GRK5: variants seen among roughly 807,000 people sequenced by gnomAD.
GRK5 encodes G protein-coupled receptor kinase 5.
In GRK5, 40 loss-of-function variants were observed where a neutral mutation model predicts 78.4. That is an observed-to-expected ratio of 0.51 (90% CI 0.40 to 0.66). The LOEUF (loss-of-function observed/expected upper bound fraction) is 0.66, where lower values mean the gene tolerates loss of function less well. GRK5 is among the 30% of genes least tolerant of loss of function. GRK5 has a pLI of 0.00. For missense variants in GRK5, 598 were observed against 759.9 expected, an observed-to-expected ratio of 0.79 and a Z score of 2.50; for synonymous variants, 289 against 296.8, an observed-to-expected ratio of 0.97 and a Z score of 0.27.
At chr10:119,269,211 G>A (rs75839391) in intron 1 of GRK5, among the ~76,000 whole-genome samples, 3,010 of 152,252 alleles carry the variant, frequency 0.02, 56 homozygotes, top group Admixed American at 0.052. Context: ...GACCTGACGC[G>A]TTCCCCCTGC....
At chr10:119,398,897 C>T (rs1201224313) in intron 4 of GRK5, among the ~76,000 whole-genome samples, 2 of 152,246 alleles carry the variant, frequency 1.3e-5, no homozygotes, top group African/African-American at 2.4e-5. Flanking sequence ...GGAGTGCTCC[C>T]TTTGCCTGAC....
chr10:119,453,418 T>A (rs949888789), intron 15 of GRK5, 142 bp downstream of exon 15: 2 of 938,896 alleles, frequency 2.1e-6, no homozygotes, highest in African/African-American at 3.3e-5. Context: ...GGCAACTGAT[T>A]ATGTCCAAGG....
intron 4 of GRK5, among the ~76,000 whole-genome samples, chr10:119,397,123 GCA>G (rs1377244014): frequency 6.6e-6 from 1 of 152,240 alleles, no homozygotes; most frequent in Non-Finnish European, 1.5e-5. Flanking sequence ...GAAGGGCTTA[GCA>G]GGGCAGTTCT....
At chr10:119,441,897 T>G (rs1195905969) in intron 10 of GRK5, 102 bp from the exon 11 acceptor site, 464 of 854,960 alleles carry the variant, frequency 5.4e-4, no homozygotes, top group East Asian at 8.7e-4. Flanking sequence ...CTTGGACAGA[T>G]GAGAATGCCG....
At position 119,336,246 on chromosome 10, in the gene GRK5, C is replaced by T. The variant is rs2133777380; in HGVS notation, c.148+9635C>T. The T allele has an allele frequency of 6.6e-6, 1 of 152,432 alleles. No individual in the cohort carries two copies. Among genetic ancestry groups the T allele is most frequent in the African/African-American group, 2.4e-5 (1 of 41,566 alleles). The allele number at this position is 152,432 out of a possible 1,614,324, so 9.4% of individuals were successfully genotyped here. A position where few individuals can be genotyped will look rare whatever the true frequency, so the allele number is the denominator to read the frequency against. On this transcript the variant is annotated intron_variant, in intron 2 of 15. Coordinates refer to ENST00000392870, the MANE Select transcript of GRK5 (RefSeq NM_005308.3). The surrounding 1 kb of genome is among the most constrained non-coding windows in gnomAD (Gnocchi z 4.5). ...CCTGATTCCTGCAGTCCTCAGCCTT[C>T]CTTCCTCCCCACGGCTCCACAGTTT...
At chr10:119,425,258 CACACACACAT>C (rs977984014) in intron 6 of GRK5, among the ~76,000 whole-genome samples, 173 bp downstream of exon 6, 2 of 121,174 alleles carry the variant, frequency 1.7e-5, no homozygotes, top group South Asian at 3.0e-4. Flanking sequence ...CTTATTCAAG[CACACACACAT>C]ACACACACAC....
At chr10:119,245,743 C>A (rs540817507) in intron 1 of GRK5, among the ~76,000 whole-genome samples, 1 of 152,028 alleles carries the variant, frequency 6.6e-6, no homozygotes, top group African/African-American at 2.4e-5. Context: ...TAAGGCCGGG[C>A]GCGGTGGCTC....
intron 4 of GRK5, among the ~76,000 whole-genome samples, chr10:119,399,753 A>G (rs1310052921): frequency 6.6e-6 from 1 of 151,946 alleles, no homozygotes; most frequent in Admixed American, 6.6e-5. Flanking sequence ...TTTTTTTTCA[A>G]TTTTCCATTC....
chr10:119,412,175 T>C lies in GRK5; in HGVS notation c.340-10991T>C, dbSNP rs1342948574. Among the ~76,000 whole-genome samples, 2 of 152,134 alleles carry C rather than the reference T, an allele frequency of 1.3e-5. No homozygotes were observed. The highest frequency in any genetic ancestry group is 4.8e-5 in the African/African-American group (2 of 41,434). The stretch of plus-strand genomic sequence containing the variant: ...CTCAGATCCGCTTCTGATTGGAGGC[T>C]GTGCCCACCTTCATGGGAAACGGTG... On this transcript the variant is annotated intron_variant, in intron 4 of 15. Coordinates refer to ENST00000392870, the MANE Select transcript of GRK5 (RefSeq NM_005308.3). The surrounding 1 kb of genome is among the most constrained non-coding windows in gnomAD (Gnocchi z 4.3).
rs148870024 is a variant in GRK5, at chr10:119,298,856, C to T, written c.53-27660C>T. On this transcript the variant is annotated intron_variant, in intron 1 of 15. Transcript: ENST00000392870. ...TTCCATTTACCCCCCAGCCACATCC[C>T]CCACTCCTGGCCAACTTCAGCCTTT... 1.3e-4 allele frequency among the ~76,000 whole-genome samples: 20 copies of T among 152,314 alleles called. No individual in the cohort carries two copies. The East Asian group carries it at 3.5e-3, about 26-fold the overall frequency.
intron 12 of GRK5, among the ~76,000 whole-genome samples, chr10:119,444,036 G>T (rs1032774773): frequency 6.6e-6 from 1 of 152,062 alleles, no homozygotes; most frequent in Non-Finnish European, 1.5e-5. Context: ...CCAGCCTGTG[G>T]GGGGGTCCAC....
intron 6 of GRK5, among the ~76,000 whole-genome samples, chr10:119,427,338 A>ACAG (rs1852708113): frequency 6.4e-5 from 2 of 31,278 alleles, no homozygotes; most frequent in African/African-American, 1.3e-4. Context: ...GCCTTCATCA[A>ACAG]CATCACCACC....
intron 1 of GRK5, 50 bp from the exon 2 acceptor site, chr10:119,326,466 G>T (rs372390813): frequency 6.7e-7 from 1 of 1,488,040 alleles, no homozygotes. Flanking sequence ...CTGCGGGGAC[G>T]CCGCAGGCTC....
In GRK5 at chr10:119,359,462, C is replaced by T. The variant is rs541132080; in HGVS notation, c.149-21353C>T. 7.9e-5 allele frequency among the ~76,000 whole-genome samples: 12 copies of T among 152,242 alleles called. No individual in the cohort carries two copies. In the East Asian group the frequency reaches 2.1e-3, roughly 27 times the overall value. On this transcript the variant is annotated intron_variant, in intron 2 of 15. Coordinates refer to ENST00000392870, the MANE Select transcript of GRK5 (RefSeq NM_005308.3). ...AAGCAGGTTGTGTTTCCAGGTCATTCGTGTGGAAGGGAATGGGATCCCAGG... is the reference window on the plus strand; with the variant it reads ...AAGCAGGTTGTGTTTCCAGGTCATTTGTGTGGAAGGGAATGGGATCCCAGG...
In GRK5 at chr10:119,291,615, T is replaced by TCC. The variant is rs1564879206; in HGVS notation, c.53-34901_53-34900insCC. ...CCTCCTCCTCCTCTTCCTCCTCCTC[T>TCC]TCTTCCTCCTCTTCCTCCTTCTCTT... On this transcript the variant is annotated intron_variant, in intron 1 of 15. Transcript: ENST00000392870. Among the ~76,000 whole-genome samples the TCC allele has an allele frequency of 5.9e-3, 521 of 88,244 alleles. 22 individuals carry two copies. Among genetic ancestry groups the TCC allele is most frequent in the South Asian group, 0.015 (36 of 2,420 alleles). The allele number at this position is 88,244 out of a possible 152,430, so 57.9% of individuals were successfully genotyped here. A position where few individuals can be genotyped will look rare whatever the true frequency, so the allele number is the denominator to read the frequency against.
intron 2 of GRK5, among the ~76,000 whole-genome samples, chr10:119,345,872 GA>G (rs1432441524): frequency 6.7e-6 from 1 of 149,750 alleles, no homozygotes; most frequent in East Asian, 2.0e-4. Flanking sequence ...TGCATAAACA[GA>G]AAAAAACAGA....
intron 1 of GRK5, among the ~76,000 whole-genome samples, chr10:119,292,206 T>C (rs963900180): frequency 3.9e-4 from 15 of 38,410 alleles, no homozygotes; most frequent in South Asian, 1.1e-3. Flanking sequence ...CCTTCTCCTA[T>C]TCCTCCTCCT....
chr10:119,373,508 AC>A (rs1194665205), intron 2 of GRK5, among the ~76,000 whole-genome samples: 1 of 152,200 alleles, frequency 6.6e-6, no homozygotes, highest in African/African-American at 2.4e-5. Context: ...ACCATGTAAG[AC>A]GTCCCTTGCT....
In GRK5 at chr10:119,336,963, G is replaced by A. The variant is rs1213300816; in HGVS notation, c.148+10352G>A. Reference sequence around the variant, plus strand: ...GGCCGGAAGCTCCTTGAAAGAGAAGGCACGAGCTCAGGCACATGCAAGATG... The same window carrying A: ...GGCCGGAAGCTCCTTGAAAGAGAAGACACGAGCTCAGGCACATGCAAGATG... On this transcript the variant is annotated intron_variant, in intron 2 of 15. Coordinates refer to ENST00000392870, the MANE Select transcript of GRK5 (RefSeq NM_005308.3). This position sits in a 1 kb window ranked among gnomAD's most constrained non-coding sequence, Gnocchi z 4.5. 6.6e-6 allele frequency among the ~76,000 whole-genome samples: 1 copy of A among 152,128 alleles called. No homozygotes were observed. Among genetic ancestry groups the A allele is most frequent in the East Asian group, 1.9e-4 (1 of 5,190 alleles).
Sources: gnomAD v4.1 joint callset for allele counts (sites outside exome capture counted in the v4.1 genomes callset) on GRCh38, gnomAD v4.1.1 for gene constraint, Gnocchi (gnomAD v3.1) non-coding constraint, MANE v1.5 for transcripts, NCBI Gene and HGNC (gene_info 2026-07-23, HGNC 2026-07-21) for gene names.